MAML2: variants seen among roughly 807,000 people sequenced by gnomAD.
MAML2 encodes mastermind like transcriptional coactivator 2, also known as mastermind-like protein 2.
A neutral mutation model predicts 96.1 loss-of-function variants in MAML2; 22 were observed. The ratio of observed to expected loss-of-function variants is 0.23; its 90% CI spans 0.16 to 0.33. MAML2 has a LOEUF of 0.33. MAML2 is among the 10% of genes least tolerant of loss of function. The pLI, the probability that MAML2 is intolerant of heterozygous loss-of-function variation, is 1.00. For synonymous variants in MAML2, 561 were observed against 521.3 expected, an observed-to-expected ratio of 1.08 and a Z score of -1.04; for missense variants, 1,367 against 1,392.4, an observed-to-expected ratio of 0.98 and a Z score of 0.29.
At chr11:96,163,668 A>T (rs1023946596) in intron 1 of MAML2, among the ~76,000 whole-genome samples, 1 of 152,142 alleles carries the variant, frequency 6.6e-6, no homozygotes, top group African/African-American at 2.4e-5. Context: ...ATTTTCAGCA[A>T]TGATCATTTT....
intron 1 of MAML2, among the ~76,000 whole-genome samples, chr11:96,321,329 A>G (rs1009205632): frequency 2.0e-5 from 3 of 152,236 alleles, no homozygotes; most frequent in Admixed American, 2.0e-4. Context: ...GAAAGATGTC[A>G]AAGTTCAAGC....
intron 1 of MAML2, among the ~76,000 whole-genome samples, chr11:96,183,004 C>T (rs1861512297): frequency 1.4e-5 from 2 of 140,278 alleles, no homozygotes; most frequent in African/African-American, 5.4e-5. Flanking sequence ...TGTCACCAGG[C>T]TGGAGTGCAG....
intron 1 of MAML2, among the ~76,000 whole-genome samples, chr11:96,107,063 C>T (rs1303981868): frequency 7.0e-6 from 1 of 142,274 alleles, no homozygotes; most frequent in Non-Finnish European, 1.5e-5. Flanking sequence ...TAATTCTGAT[C>T]ACTGCTCTAT....
chr11:96,155,226 G>A (rs1358599424), intron 1 of MAML2, among the ~76,000 whole-genome samples: 1 of 151,956 alleles, frequency 6.6e-6, no homozygotes, highest in African/African-American at 2.4e-5. Flanking sequence ...GCTCTACATT[G>A]GGCTCCCTTC....
At position 96,076,258 on chromosome 11, in the gene MAML2, C is replaced by T. The variant is rs114660797; in HGVS notation, c.2139+15634G>A. On this transcript the variant is annotated intron_variant, in intron 2 of 4. Transcript: ENST00000524717. ...TGTATTGTATGCATGAGCAGAAACA[C>T]CAGCCTTGGAGAGAAACACCAGCTT... is the stretch of plus-strand genomic sequence containing the variant. 8.0e-3 allele frequency among the ~76,000 whole-genome samples: 1,224 copies of T among 152,274 alleles called. 23 individuals carry two copies. Among genetic ancestry groups the T allele is most frequent in the African/African-American group, 0.025 (1,058 of 41,540 alleles).
At chr11:96,171,020 C>CA (rs1282031685) in intron 1 of MAML2, among the ~76,000 whole-genome samples, 6 of 146,640 alleles carry the variant, frequency 4.1e-5, no homozygotes, top group Non-Finnish European at 9.1e-5. Context: ...CTGGCCTCTA[C>CA]TTTTTTTTTT....
intron 1 of MAML2, among the ~76,000 whole-genome samples, chr11:96,205,445 C>CAA (rs1260653237): frequency 6.6e-6 from 1 of 152,194 alleles, no homozygotes; most frequent in African/African-American, 2.4e-5. Flanking sequence ...ACTTGGGGTA[C>CAA]AAATATAAAT....
chr11:96,294,661 A>G (rs1458127840), intron 1 of MAML2, among the ~76,000 whole-genome samples: 1 of 152,244 alleles, frequency 6.6e-6, no homozygotes, highest in African/African-American at 2.4e-5. Context: ...TATAATTTTG[A>G]TAAGAACAGA....
chr11:96,079,432 T>G (rs1207297466), intron 2 of MAML2, among the ~76,000 whole-genome samples: 1 of 152,210 alleles, frequency 6.6e-6, no homozygotes, highest in Admixed American at 6.5e-5. Context: ...GGCTGAGAGA[T>G]GCGGTGTGTG....
Position 95,978,928 on chromosome 11 carries a change from A to C in MAML2, c.*20T>G. ...TGCCTTTTAGTGCTTGGAGTTTGTAAATTGTCTTCCCTTTCTTCTTTAGGA... is the reference window on the plus strand; with the variant it reads ...TGCCTTTTAGTGCTTGGAGTTTGTACATTGTCTTCCCTTTCTTCTTTAGGA... On this transcript the variant is annotated 3_prime_UTR_variant, in exon 5 of 5. Coordinates refer to ENST00000524717, the MANE Select transcript of MAML2 (RefSeq NM_032427.4). 2 of 1,581,750 alleles carry C rather than the reference A, an allele frequency of 1.3e-6. No homozygotes were observed. Among genetic ancestry groups the C allele is most frequent in the Non-Finnish European group, 1.7e-6 (2 of 1,165,250 alleles).
intron 2 of MAML2, among the ~76,000 whole-genome samples, chr11:96,024,841 T>A (rs954280355): frequency 1.3e-5 from 2 of 152,308 alleles, no homozygotes; most frequent in Middle Eastern, 3.4e-3. Flanking sequence ...TACTCAGCCC[T>A]CCACATGCAG....
At chr11:95,990,423 T>A (rs929131272) in intron 3 of MAML2, among the ~76,000 whole-genome samples, 1 of 152,178 alleles carries the variant, frequency 6.6e-6, no homozygotes, top group Non-Finnish European at 1.5e-5. Flanking sequence ...CCTAGGTCTT[T>A]GAATATGCTG....
intron 1 of MAML2, among the ~76,000 whole-genome samples, chr11:96,209,108 C>G (rs1365121601): frequency 6.6e-6 from 1 of 151,828 alleles, no homozygotes; most frequent in Non-Finnish European, 1.5e-5. Flanking sequence ...TGTCATCTTC[C>G]CAGTTTGATT....
intron 1 of MAML2, among the ~76,000 whole-genome samples, chr11:96,302,014 G>A (rs1329215611): frequency 6.6e-6 from 1 of 152,150 alleles, no homozygotes; most frequent in South Asian, 2.1e-4. Flanking sequence ...GTGTGTGCTA[G>A]GCATTGTGCA....
chr11:96,109,415 C>T (rs1369427407), intron 1 of MAML2, among the ~76,000 whole-genome samples: 3 of 152,006 alleles, frequency 2.0e-5, no homozygotes, highest in Non-Finnish European at 2.9e-5. Flanking sequence ...CAAATATTTG[C>T]GTGTGGGTGG....
chr11:96,121,805 G>C (rs1208321735), intron 1 of MAML2, among the ~76,000 whole-genome samples: 1 of 4,070 alleles, frequency 2.5e-4, no homozygotes, highest in African/African-American at 1.1e-3. Context: ...TTTTTTTTTT[G>C]AGACGGAGTC....
At chr11:96,317,109 C>T (rs1385189077) in intron 1 of MAML2, among the ~76,000 whole-genome samples, 1 of 152,112 alleles carries the variant, frequency 6.6e-6, no homozygotes, top group African/African-American at 2.4e-5. Context: ...CCTGTTCCTG[C>T]TTGCATTCAC....
intron 1 of MAML2, among the ~76,000 whole-genome samples, chr11:96,278,857 C>T (rs1334425607): frequency 6.6e-6 from 1 of 152,044 alleles, no homozygotes; most frequent in Non-Finnish European, 1.5e-5. Context: ...AGGGATTTGC[C>T]TAGAGGTAGG....
At chr11:96,080,590 TGTGTTAC>T (rs1260077696) in intron 2 of MAML2, among the ~76,000 whole-genome samples, 2 of 152,214 alleles carry the variant, frequency 1.3e-5, no homozygotes, top group Non-Finnish European at 2.9e-5. Flanking sequence ...CCAGACTTCT[TGTGTTAC>T]GTCTCTCATT....
Sources: gnomAD v4.1 joint callset for allele counts (sites outside exome capture counted in the v4.1 genomes callset) on GRCh38, gnomAD v4.1.1 for gene constraint, MANE v1.5 for transcripts, NCBI Gene and HGNC (gene_info 2026-07-23, HGNC 2026-07-21) for gene names.